TBC1D4: variants seen among roughly 807,000 people sequenced by gnomAD.
TBC1D4 encodes TBC1 domain family member 4.
TBC1D4 carries 121 observed loss-of-function variants against 142.5 expected under a neutral mutation model. That is an observed-to-expected ratio of 0.85 (90% CI 0.73 to 0.99). TBC1D4 has a LOEUF of 0.99. Among genes scored for constraint, TBC1D4 ranks in the 50% least tolerant of loss-of-function variants. TBC1D4 has a pLI of 0.00. For synonymous variants in TBC1D4, 630 were observed against 628.2 expected, an observed-to-expected ratio of 1.00 and a Z score of -0.04; for missense variants, 1,475 against 1,606.6, an observed-to-expected ratio of 0.92 and a Z score of 1.40.
intron 1 of TBC1D4, among the ~76,000 whole-genome samples, chr13:75,477,250 G>C (rs1006252003): frequency 6.6e-6 from 1 of 152,078 alleles, no homozygotes; most frequent in African/African-American, 2.4e-5. Flanking sequence ...CATCAACTTT[G>C]AAAAAGAACT....
chr13:75,340,941 C>T (rs747478962), intron 7 of TBC1D4, among the ~76,000 whole-genome samples, 184 bp downstream of exon 7: 2 of 151,432 alleles, frequency 1.3e-5, no homozygotes, highest in South Asian at 2.1e-4. Flanking sequence ...TGTGAAACTC[C>T]GTCTTAAAAA....
chr13:75,310,373 A>G (rs932312214), intron 13 of TBC1D4, among the ~76,000 whole-genome samples: 2 of 152,124 alleles, frequency 1.3e-5, no homozygotes, highest in African/African-American at 4.8e-5. Flanking sequence ...AGGTCATTTC[A>G]CCACTTCTTC....
At chr13:75,309,615 G>T (rs974243071) in intron 14 of TBC1D4, among the ~76,000 whole-genome samples, 18 of 152,100 alleles carry the variant, frequency 1.2e-4, no homozygotes, top group African/African-American at 4.1e-4. Context: ...CTAAGATAAT[G>T]AACTTTCAGA....
chr13:75,297,520 A>T (rs1385539780), intron 17 of TBC1D4, among the ~76,000 whole-genome samples: 1 of 152,094 alleles, frequency 6.6e-6, no homozygotes, highest in Non-Finnish European at 1.5e-5. Context: ...TTGGGAGGTC[A>T]AGGCAGGTGG....
rs1253698353 is a variant in TBC1D4 at position 75,292,272 on chromosome 13, C to A, written c.3317-1G>T. On this transcript the variant is annotated splice_acceptor_variant, in intron 18 of 20. Transcript: ENST00000377636. LOFTEE classifies it high-confidence loss of function. ...TCAGTTCCCTGAAGAAAAATAATAT[C>A]TAAAAGAAGAGATATAATTTTCATG... 1.2e-6 allele frequency: 2 copies of A among 1,609,130 alleles called. No individual in the cohort carries two copies. Among genetic ancestry groups the A allele is most frequent in the South Asian group, 2.2e-5 (2 of 90,556 alleles).
intron 18 of TBC1D4, among the ~76,000 whole-genome samples, chr13:75,294,015 G>C (rs1875615322): frequency 6.6e-6 from 1 of 152,144 alleles, no homozygotes; most frequent in South Asian, 2.1e-4. Flanking sequence ...TAGATTATCA[G>C]AACATAAAAA....
intron 1 of TBC1D4, among the ~76,000 whole-genome samples, chr13:75,412,232 C>T (rs1593858656): frequency 6.6e-6 from 1 of 152,118 alleles, no homozygotes; most frequent in East Asian, 1.9e-4. Context: ...TAAGTAACCC[C>T]TTTATGGCTT....
intron 7 of TBC1D4, among the ~76,000 whole-genome samples, 158 bp downstream of exon 7, chr13:75,340,966 AC>A (rs147129554): frequency 0.065 from 9,937 of 151,932 alleles, 502 homozygotes; most frequent in Admixed American, 0.12. Flanking sequence ...AAACAAAAAA[AC>A]CTATAAAACT....
At chr13:75,366,522 A>T (rs1882919069) in intron 1 of TBC1D4, among the ~76,000 whole-genome samples, 1 of 152,226 alleles carries the variant, frequency 6.6e-6, no homozygotes, top group African/African-American at 2.4e-5. Context: ...CCATTAACAC[A>T]CAGGAATCAA....
At chr13:75,435,926 T>C (rs1593882760) in intron 1 of TBC1D4, among the ~76,000 whole-genome samples, 1 of 152,164 alleles carries the variant, frequency 6.6e-6, no homozygotes. Flanking sequence ...TCCACACTGA[T>C]ATAAACAAAC....
intron 1 of TBC1D4, among the ~76,000 whole-genome samples, chr13:75,386,696 T>C (rs980875502): frequency 7.9e-5 from 12 of 152,150 alleles, no homozygotes; most frequent in South Asian, 4.1e-4. Flanking sequence ...TACATGCTCA[T>C]TGGGAAATAA....
Position 75,362,251 on chromosome 13 carries a change from G to C in TBC1D4, c.855C>G (p.Ser285Arg). 1 of 1,613,820 alleles carries C rather than the reference G, an allele frequency of 6.2e-7. No individual in the cohort carries two copies. The highest frequency in any genetic ancestry group is 8.5e-7 in the Non-Finnish European group (1 of 1,179,962). The change falls in exon 2 of 21, where the codon AGC becomes AGG. Residue 285 changes from serine to arginine, a missense_variant. Coordinates refer to ENST00000377636, the MANE Select transcript of TBC1D4 (RefSeq NM_014832.5). This position sits in a 1 kb window ranked among gnomAD's most constrained non-coding sequence, Gnocchi z 4.2. ...CCCGAGAGCTGGTCAGGGCAGGCTG[G>C]CTGGCCCCGGCAGGTAAGCCAAGGT... ...DTHLGLPAGA[S>R]QPALTSSRVC... is the part of the protein sequence containing the mutation.
intron 1 of TBC1D4, among the ~76,000 whole-genome samples, chr13:75,402,408 G>A (rs1271957484): frequency 6.6e-6 from 1 of 151,700 alleles, no homozygotes; most frequent in Non-Finnish European, 1.5e-5. Context: ...GGACTGAATA[G>A]AACATTTCTC....
intron 12 of TBC1D4, among the ~76,000 whole-genome samples, chr13:75,318,724 T>A (rs1034546118): frequency 2.6e-5 from 4 of 152,192 alleles, no homozygotes; most frequent in Admixed American, 6.5e-5. Context: ...GAAATCAATA[T>A]ATAGTATTTG....
Position 75,286,374 on chromosome 13 carries a change from A to C in TBC1D4, c.*418T>G. ...AAAAATACATTCATTTTTTTCAAGT[A>C]TATTGCAATATACAAAGATGCTCTG... On this transcript the variant is annotated 3_prime_UTR_variant, in exon 21 of 21. Transcript: ENST00000377636. The C allele has an allele frequency of 6.1e-6, 1 of 164,722 alleles. No homozygotes were observed. Among genetic ancestry groups the C allele is most frequent in the Non-Finnish European group, 1.3e-5 (1 of 74,784 alleles). 10.2% of individuals were successfully genotyped at this position (164,722 alleles called of 1,614,324 possible). A position where few individuals can be genotyped will look rare whatever the true frequency, so the allele number is the denominator to read the frequency against.
At chr13:75,406,480 C>T (rs1885350007) in intron 1 of TBC1D4, among the ~76,000 whole-genome samples, 1 of 152,154 alleles carries the variant, frequency 6.6e-6, no homozygotes, top group Non-Finnish European at 1.5e-5. Context: ...TCATTTCAAC[C>T]TCAGCAACCT....
intron 5 of TBC1D4, among the ~76,000 whole-genome samples, chr13:75,347,664 G>A (rs1461847705): frequency 6.6e-6 from 1 of 152,068 alleles, no homozygotes; most frequent in Non-Finnish European, 1.5e-5. Flanking sequence ...TTGCCCTTTT[G>A]GGATGGCTAA....
Position 75,302,380 on chromosome 13 carries a change from C to T in TBC1D4, c.2774G>A (p.Gly925Glu), listed in dbSNP as rs781174867. The change falls in exon 16 of 21, where the codon GGA (glycine) becomes GAA (glutamate). Residue 925 changes from glycine to glutamate, a missense_variant. By Grantham distance (98) the Gly-to-Glu change is moderately conservative. Transcript: ENST00000377636. ...TAAAGCCAGAAACTGCCAAATTTCT[C>T]CTCGTCGACTTTTGGGAACTCCTAC... ...LKEGVPKSRR[G>E]EIWQFLALQY... 24 of 1,614,020 alleles carry T rather than the reference C, an allele frequency of 1.5e-5. No individual in the cohort carries two copies. The Admixed American group carries it at 3.5e-4, about 24-fold the overall frequency.
At chr13:75,292,990 A>G (rs1452067465) in intron 18 of TBC1D4, among the ~76,000 whole-genome samples, 2 of 152,136 alleles carry the variant, frequency 1.3e-5, no homozygotes, top group African/African-American at 4.8e-5. Context: ...CCCCGTCTCT[A>G]CGAAAAATAC....
Sources: gnomAD v4.1 joint callset for allele counts (sites outside exome capture counted in the v4.1 genomes callset) on GRCh38, gnomAD v4.1.1 for gene constraint, Gnocchi (gnomAD v3.1) non-coding constraint, MANE v1.5 for transcripts, NCBI Gene and HGNC (gene_info 2026-07-23, HGNC 2026-07-21) for gene names.